GABRA5: variants seen among roughly 807,000 people sequenced by gnomAD.
GABRA5 encodes gamma-aminobutyric acid receptor subunit alpha-5.
GABRA5 carries 18 observed loss-of-function variants against 47.3 expected under a neutral mutation model. That is an observed-to-expected ratio of 0.38 (90% CI 0.26 to 0.56). The LOEUF (loss-of-function observed/expected upper bound fraction) is 0.56, where lower values mean the gene tolerates loss of function less well. Among genes scored for constraint, GABRA5 ranks in the 20% least tolerant of loss-of-function variants. The probability of loss-of-function intolerance (pLI) is 0.71; values close to 1 mark genes in which losing one functional copy is unlikely to be tolerated. For missense variants in GABRA5, 365 were observed against 599.3 expected, an observed-to-expected ratio of 0.61 and a Z score of 4.08; for synonymous variants, 237 against 229.3, an observed-to-expected ratio of 1.03 and a Z score of -0.30.
chr15:26,881,068 G>A (rs1323491038), intron 4 of GABRA5, 101 bp downstream of exon 4: 3 of 1,332,510 alleles, frequency 2.3e-6, no homozygotes, highest in East Asian at 5.1e-5. Context: ...TCCTAAAAGA[G>A]CTTCCCTGCC....
intron 7 of GABRA5, among the ~76,000 whole-genome samples, chr15:26,919,065 C>T (rs1893781165): frequency 6.6e-6 from 1 of 152,096 alleles, no homozygotes. Flanking sequence ...ATCACCTGAA[C>T]CTAGGAGGCA....
chr15:26,890,096 T>TA (rs1224580387), intron 6 of GABRA5, among the ~76,000 whole-genome samples: 4 of 152,186 alleles, frequency 2.6e-5, no homozygotes, highest in African/African-American at 7.2e-5. Flanking sequence ...ATGATTTCTG[T>TA]AAAAAAATTC....
chr15:26,908,724 A>T (rs1467324954), intron 6 of GABRA5, among the ~76,000 whole-genome samples: 2 of 152,152 alleles, frequency 1.3e-5, no homozygotes, highest in Admixed American at 6.5e-5. Flanking sequence ...CACGGGTAGC[A>T]TCTTCACAGG....
At position 26,938,330 on chromosome 15, in the gene GABRA5, A is replaced by G. The variant is rs571521444; in HGVS notation, c.724+1002A>G. On this transcript the variant is annotated intron_variant, in intron 8 of 10. Transcript: ENST00000335625. ...CGGCCGGTTTTATGCAAACCAGTGG[A>G]AAGTAGTGCAGCAGGAGTTTGGTGT... Among the ~76,000 whole-genome samples the G allele has an allele frequency of 7.2e-5, 11 of 152,350 alleles. No individual in the cohort carries two copies. In the South Asian group the frequency reaches 2.3e-3, roughly 32 times the overall value.
chr15:26,911,371 GCACA>G (rs111798012), intron 6 of GABRA5, among the ~76,000 whole-genome samples: 546 of 118,390 alleles, frequency 4.6e-3, no homozygotes, highest in Non-Finnish European at 6.7e-3. Context: ...CTTGCTGCAT[GCACA>G]CACACACACA....
intron 6 of GABRA5, among the ~76,000 whole-genome samples, chr15:26,888,517 G>T (rs1247016485): frequency 6.6e-6 from 1 of 152,052 alleles, no homozygotes; most frequent in Non-Finnish European, 1.5e-5. Context: ...GTCATCTAGG[G>T]TCCAGATGGA....
intron 6 of GABRA5, among the ~76,000 whole-genome samples, chr15:26,889,137 T>C (rs1343721897): frequency 1.3e-5 from 2 of 152,264 alleles, no homozygotes; most frequent in African/African-American, 4.8e-5. Flanking sequence ...ACACTATGTA[T>C]TCCTCTGTGC....
At chr15:26,940,810 G>C (rs1894365715) in intron 9 of GABRA5, among the ~76,000 whole-genome samples, 1 of 152,248 alleles carries the variant, frequency 6.6e-6, no homozygotes, top group Middle Eastern at 3.4e-3. Flanking sequence ...TCTAACTCAG[G>C]AGGTACCTCG....
chr15:26,919,203 C>A (rs1050507155), intron 7 of GABRA5, among the ~76,000 whole-genome samples: 1 of 152,108 alleles, frequency 6.6e-6, no homozygotes, highest in African/African-American at 2.4e-5. Context: ...TTCAAACTCT[C>A]TTGTGTCTTT....
rs543487036 is a variant in GABRA5, at chr15:26,905,807, T to C, written c.498-8996T>C. 2.4e-4 allele frequency among the ~76,000 whole-genome samples: 36 copies of C among 152,194 alleles called. No homozygotes were observed. The South Asian group carries it at 6.6e-3, about 28-fold the overall frequency. ...GAATTCTTTACTTCAGTTGTTGTTTTTTTTCACCTCCAGAATTTTTTTGGT... is the reference window on the plus strand; with the variant it reads ...GAATTCTTTACTTCAGTTGTTGTTTCTTTTCACCTCCAGAATTTTTTTGGT... On this transcript the variant is annotated intron_variant, in intron 6 of 10. Transcript: ENST00000335625.
At chr15:26,916,076 A>G (rs1431611642) in intron 7 of GABRA5, among the ~76,000 whole-genome samples, 1 of 152,124 alleles carries the variant, frequency 6.6e-6, no homozygotes, top group Admixed American at 6.6e-5. Flanking sequence ...ATATTGCCAC[A>G]CCAGTTTCTT....
chr15:26,934,335 A>T (rs904330189), intron 7 of GABRA5, among the ~76,000 whole-genome samples: 1 of 152,186 alleles, frequency 6.6e-6, no homozygotes, highest in Non-Finnish European at 1.5e-5. Context: ...AGATAACTCA[A>T]ACCCTGTACC....
At chr15:26,919,984 C>T (rs1429045593) in intron 7 of GABRA5, among the ~76,000 whole-genome samples, 2 of 151,966 alleles carry the variant, frequency 1.3e-5, no homozygotes, top group Admixed American at 6.6e-5. Flanking sequence ...AATCTTATGA[C>T]ATGACTATTT....
chr15:26,889,650 T>C (rs981266317), intron 6 of GABRA5, among the ~76,000 whole-genome samples: 15 of 152,240 alleles, frequency 9.9e-5, no homozygotes, highest in Admixed American at 7.2e-4. Context: ...CTATACATTG[T>C]CAAGTTCAAA....
chr15:26,940,284 A>G (rs1191039468), intron 9 of GABRA5, among the ~76,000 whole-genome samples: 1 of 152,232 alleles, frequency 6.6e-6, no homozygotes, highest in Non-Finnish European at 1.5e-5. Context: ...GGAATATCAC[A>G]TGGTCTATTT....
chr15:26,930,944 G>A (rs1459882636), intron 7 of GABRA5, among the ~76,000 whole-genome samples: 2 of 134,592 alleles, frequency 1.5e-5, no homozygotes, highest in African/African-American at 5.8e-5. Context: ...TGCCCAGGCT[G>A]GAGTGCAGTA....
chr15:26,919,107 C>A (rs569917366), intron 7 of GABRA5, among the ~76,000 whole-genome samples: 1 of 152,210 alleles, frequency 6.6e-6, no homozygotes, highest in East Asian at 1.9e-4. Context: ...TACCCCACTG[C>A]ACTCCAGCCT....
At chr15:26,904,271 G>A (rs1196834459) in intron 6 of GABRA5, among the ~76,000 whole-genome samples, 1 of 152,068 alleles carries the variant, frequency 6.6e-6, no homozygotes, top group Non-Finnish European at 1.5e-5. Context: ...TCAGATGGTT[G>A]TAGGTGTGTG....
chr15:26,905,876 A>T lies in GABRA5; in HGVS notation c.498-8927A>T, dbSNP rs561482645. Among the ~76,000 whole-genome samples the T allele has an allele frequency of 4.8e-4, 73 of 151,674 alleles. 1 individual carries two copies. The highest frequency in any genetic ancestry group is 1.8e-3 in the African/African-American group (73 of 41,358). On this transcript the variant is annotated intron_variant, in intron 6 of 10. Coordinates refer to ENST00000335625, the MANE Select transcript of GABRA5 (RefSeq NM_000810.4). ...TTATTTATATTCTCTATTTGTTGAG[A>T]CATTGTTCTCCAGGTTTCCTTTATT...
Sources: allele counts gnomAD v4.1 joint callset (sites outside exome capture counted in the v4.1 genomes callset), GRCh38; gene constraint gnomAD v4.1.1; transcripts MANE v1.5; gene names NCBI Gene and HGNC (gene_info 2026-07-23, HGNC 2026-07-21).